TRPM3: variants seen among roughly 807,000 people sequenced by gnomAD.
TRPM3 encodes long transient receptor potential channel 3.
In TRPM3, 77 loss-of-function variants were observed where a neutral mutation model predicts 181.2. The ratio of observed to expected loss-of-function variants is 0.42; its 90% CI spans 0.35 to 0.51. The LOEUF (loss-of-function observed/expected upper bound fraction) is 0.51. TRPM3 is among the 20% of genes least tolerant of loss of function. The pLI is 0.01. For missense variants in TRPM3, 1,759 were observed against 2,196.7 expected (o/e 0.80, Z 3.98); for synonymous variants, 745 against 796.4 (o/e 0.94, Z 1.09).
At chr9:71,150,764 T>C (rs1022392744) in intron 1 of TRPM3, among the ~76,000 whole-genome samples, 1 of 151,986 alleles carries the variant, frequency 6.6e-6, no homozygotes, top group African/African-American at 2.4e-5. Flanking sequence ...TTTATCTAAA[T>C]CACATGGAAA....
intron 1 of TRPM3, among the ~76,000 whole-genome samples, chr9:70,995,365 G>T (rs930664751): frequency 6.6e-6 from 1 of 152,136 alleles, no homozygotes; most frequent in African/African-American, 2.4e-5. Flanking sequence ...AAGACAGATG[G>T]ATTACTTACT....
chr9:70,699,398 TAAGAG>T (rs544823453), intron 8 of TRPM3, among the ~76,000 whole-genome samples: 3 of 151,848 alleles, frequency 2.0e-5, no homozygotes, highest in Non-Finnish European at 4.4e-5. Flanking sequence ...TAAGAGAAAA[TAAGAG>T]AAAAGTGAAC....
At chr9:70,907,758 G>A (rs1398620359) in intron 1 of TRPM3, among the ~76,000 whole-genome samples, 2 of 152,030 alleles carry the variant, frequency 1.3e-5, no homozygotes, top group African/African-American at 4.8e-5. Flanking sequence ...CTTTGTGCCC[G>A]TGTGTACCCA....
intron 1 of TRPM3, among the ~76,000 whole-genome samples, chr9:71,083,805 C>T (rs112072524): frequency 2.6e-5 from 4 of 151,568 alleles, no homozygotes; most frequent in Admixed American, 1.3e-4. Flanking sequence ...CTATGATTCT[C>T]ATGGCAACCT....
At chr9:71,112,306 T>A (rs147577561) in intron 1 of TRPM3, among the ~76,000 whole-genome samples, 433 of 152,274 alleles carry the variant, frequency 2.8e-3, no homozygotes, top group African/African-American at 9.8e-3. Context: ...ATGAGATAAT[T>A]TTTATCTCTC....
At chr9:71,200,237 A>G in intron 1 of TRPM3, among the ~76,000 whole-genome samples, 1 of 151,870 alleles carries the variant, frequency 6.6e-6, no homozygotes, top group Non-Finnish European at 1.5e-5. Context: ...GGTCTGAGAG[A>G]CAGTTTGTTA....
At chr9:71,429,453 A>T (rs967501261) in intron 1 of TRPM3, among the ~76,000 whole-genome samples, 1 of 152,168 alleles carries the variant, frequency 6.6e-6, no homozygotes, top group African/African-American at 2.4e-5. Context: ...TAAATGATTC[A>T]ATATATGTAG....
chr9:71,236,567 C>T (rs1210937277), intron 1 of TRPM3, among the ~76,000 whole-genome samples: 1 of 152,176 alleles, frequency 6.6e-6, no homozygotes, highest in Non-Finnish European at 1.5e-5. Context: ...GTTCCCCAAA[C>T]CTCCAGAGAA....
intron 1 of TRPM3, among the ~76,000 whole-genome samples, chr9:71,296,534 G>T (rs1412437555): frequency 6.6e-6 from 1 of 152,140 alleles, no homozygotes; most frequent in African/African-American, 2.4e-5. Context: ...AGGTGTGTGT[G>T]TTTGGCCAGG....
At chr9:71,235,051 G>A (rs1209606750) in intron 1 of TRPM3, among the ~76,000 whole-genome samples, 2 of 152,168 alleles carry the variant, frequency 1.3e-5, no homozygotes, top group Admixed American at 6.5e-5. Context: ...TGATGACAGC[G>A]CCAACCTATG....
intron 1 of TRPM3, among the ~76,000 whole-genome samples, chr9:71,306,080 G>A (rs748476761): frequency 2.0e-5 from 3 of 152,132 alleles, no homozygotes; most frequent in Non-Finnish European, 4.4e-5. Context: ...TGACTGTCAT[G>A]CATATACACC....
At chr9:70,772,654 G>A (rs946677184) in intron 7 of TRPM3, among the ~76,000 whole-genome samples, 7 of 152,204 alleles carry the variant, frequency 4.6e-5, no homozygotes, top group Non-Finnish European at 1.0e-4. Flanking sequence ...GGGCAGTGCT[G>A]CTCTGGAGAC....
intron 1 of TRPM3, among the ~76,000 whole-genome samples, chr9:71,237,686 T>C (rs548260855): frequency 1.8e-4 from 28 of 152,300 alleles, no homozygotes; most frequent in Admixed American, 1.6e-3. Context: ...CCTTAGAGAG[T>C]GTCTCAGTCT....
intron 1 of TRPM3, among the ~76,000 whole-genome samples, chr9:71,127,509 C>A (rs185152604): frequency 1.3e-5 from 2 of 152,278 alleles, no homozygotes; most frequent in East Asian, 3.9e-4. Context: ...AACCTAAGTG[C>A]CTCCTCTTAC....
At chr9:70,855,092 T>A (rs1360973256) in intron 3 of TRPM3, among the ~76,000 whole-genome samples, 1 of 152,090 alleles carries the variant, frequency 6.6e-6, no homozygotes, top group Admixed American at 6.5e-5. Context: ...ACTTATTGCA[T>A]TTTTTACTAA....
chr9:70,664,654 T>TG (rs2061585212), intron 9 of TRPM3, among the ~76,000 whole-genome samples: 2 of 88,924 alleles, frequency 2.2e-5, no homozygotes, highest in East Asian at 2.5e-4. Flanking sequence ...TTTTTTTTTT[T>TG]TTTTTTTTTT....
chr9:70,854,430 G>T (rs77753957), intron 3 of TRPM3, among the ~76,000 whole-genome samples: 3,890 of 152,254 alleles, frequency 0.026, 168 homozygotes, highest in African/African-American at 0.088. Context: ...CACATACCAG[G>T]TATGGCGGAA....
chr9:70,790,618 G>A (rs1211763630), intron 6 of TRPM3, among the ~76,000 whole-genome samples: 1 of 152,128 alleles, frequency 6.6e-6, no homozygotes, highest in African/African-American at 2.4e-5. Context: ...AGAAATAATG[G>A]CTGAAGTTTG....
chr9:71,192,305 GA>G (rs1275014246), intron 1 of TRPM3, among the ~76,000 whole-genome samples: 4 of 151,748 alleles, frequency 2.6e-5, no homozygotes, highest in Non-Finnish European at 5.9e-5. Flanking sequence ...TGAGAATTAT[GA>G]AAAGGCATGA....
Sources: gnomAD v4.1 joint callset for allele counts (sites outside exome capture counted in the v4.1 genomes callset) on GRCh38, gnomAD v4.1.1 for gene constraint, MANE v1.5 for transcripts, NCBI Gene and HGNC (gene_info 2026-07-23, HGNC 2026-07-21) for gene names.